SYN2: variants seen among roughly 807,000 people sequenced by gnomAD.
SYN2 encodes synapsin-2.
A neutral mutation model predicts 50.9 loss-of-function variants in SYN2; 19 were observed. The observed-to-expected ratio is 0.37, with a 90% CI of 0.26 to 0.55. The LOEUF (loss-of-function observed/expected upper bound fraction) is 0.55, where lower values mean the gene tolerates loss of function less well. SYN2 is among the 20% of genes least tolerant of loss of function. The pLI is 0.81. For missense variants in SYN2, 587 were observed against 576.4 expected (o/e 1.02, Z -0.19); for synonymous variants, 255 against 224.9 (o/e 1.13, Z -1.20).
intron 1 of SYN2, among the ~76,000 whole-genome samples, chr3:12,132,685 G>A (rs185250755): frequency 6.6e-6 from 1 of 152,308 alleles, no homozygotes; most frequent in East Asian, 1.9e-4. Flanking sequence ...GTCCAGATAA[G>A]TGGACCTAAT....
At chr3:12,078,689 C>G (rs1269326047) in intron 1 of SYN2, among the ~76,000 whole-genome samples, 2 of 152,264 alleles carry the variant, frequency 1.3e-5, no homozygotes, top group East Asian at 3.9e-4. Context: ...CATTACCATG[C>G]TGTTTTGGTT....
chr3:12,109,936 T>C (rs1696277561), intron 1 of SYN2, among the ~76,000 whole-genome samples: 1 of 152,200 alleles, frequency 6.6e-6, no homozygotes. Context: ...ATGCCTGTAA[T>C]CCCAACTCTC....
intron 1 of SYN2, among the ~76,000 whole-genome samples, chr3:12,083,114 C>T (rs1278335855): frequency 1.3e-5 from 2 of 152,096 alleles, no homozygotes; most frequent in Non-Finnish European, 2.9e-5. Context: ...TGGATTCAAG[C>T]GATTGTCCTG....
chr3:12,044,181 T>TCTCTCTCA (rs573246278), intron 1 of SYN2, among the ~76,000 whole-genome samples: 284 of 53,362 alleles, frequency 5.3e-3, no homozygotes, highest in East Asian at 0.013. Context: ...TCTCTCTCTC[T>TCTCTCTCA]CACACACACA....
Position 12,100,226 on chromosome 3 carries a change from T to C in SYN2, c.378-40425T>C, listed in dbSNP as rs965916378. 7.9e-5 allele frequency among the ~76,000 whole-genome samples: 12 copies of C among 152,276 alleles called. No individual in the cohort carries two copies. In the East Asian group the frequency reaches 2.1e-3, roughly 27 times the overall value. On this transcript the variant is annotated intron_variant, in intron 1 of 12. Transcript: ENST00000621198. ...ACTGGAGAATTCCCATTTCCTGATT[T>C]CAAGTTACTACAAAGCTTGATAATA... is the stretch of plus-strand genomic sequence containing the variant.
chr3:12,004,865 C>A lies in SYN2; in HGVS notation c.314C>A (p.Pro105His). 1.8e-6 allele frequency: 1 copy of A among 566,526 alleles called. No individual in the cohort carries two copies. The highest frequency in any genetic ancestry group is 3.2e-6 in the Non-Finnish European group (1 of 317,370). The allele number at this position is 566,526 out of a possible 1,614,324, so 35.1% of individuals were successfully genotyped here. Residue 105 changes from proline (P) to histidine (H), a missense_variant, in exon 1 of 13, where the codon CCC becomes CAC. By Grantham distance (77) the Pro-to-His change is moderately conservative. Transcript: ENST00000621198. Reference sequence around the variant, plus strand: ...GCTGGCCTGGTGGACGCGCCCGCTCCCGCGCCCGCAGCCGCCAGGAAGGCC... The same window carrying A: ...GCTGGCCTGGTGGACGCGCCCGCTCACGCGCCCGCAGCCGCCAGGAAGGCC... ...ASAGLVDAPA[P>H]APAAARKAKV...
chr3:12,073,583 C>T (rs1472893839), intron 1 of SYN2, among the ~76,000 whole-genome samples: 1 of 152,022 alleles, frequency 6.6e-6, no homozygotes, highest in African/African-American at 2.4e-5. Flanking sequence ...ATAAAGCAAC[C>T]CTTTACATTT....
chr3:12,004,664 CG>C lies in SYN2; in HGVS notation c.114del (p.Gly41ValfsTer50). On this transcript the variant is annotated frameshift_variant, in exon 1 of 13. Coordinates refer to ENST00000621198, the MANE Select transcript of SYN2 (RefSeq NM_133625.6). LOFTEE classifies it high-confidence loss of function. ...GAGCCCCAGCAGCCGCCGCCGCCGC[CG>C]CCCCCCGGTCCGGGCGCCGCCTCGG... Reference protein sequence around the residue: ...RPEPQQPPPPPPPGPGAASAS... With the variant: ...RPEPQQPPPPXPPGPGAASAS... 3.0e-6 allele frequency: 1 copy of C among 330,602 alleles called. No homozygotes were observed. 20.5% of individuals were successfully genotyped at this position (330,602 alleles called of 1,614,324 possible).
intron 1 of SYN2, among the ~76,000 whole-genome samples, chr3:12,049,957 TG>T (rs1282705631): frequency 6.6e-6 from 1 of 152,198 alleles, no homozygotes; most frequent in Non-Finnish European, 1.5e-5. Flanking sequence ...TGTTTGTTTT[TG>T]TTTTTGAGGG....
intron 7 of SYN2, among the ~76,000 whole-genome samples, chr3:12,166,255 G>A (rs1697791673): frequency 6.6e-6 from 1 of 152,256 alleles, no homozygotes; most frequent in African/African-American, 2.4e-5. Context: ...TCTGTCGACA[G>A]TGTAAGCAGG....
At position 12,033,781 on chromosome 3, in the gene SYN2, T is replaced by A. The variant is rs555532500; in HGVS notation, c.377+28853T>A. ...ACCATACAATATGTGGCCTTTTGTG[T>A]CCAGCTTTTTTCATCTTAGCATAAT... is the stretch of plus-strand genomic sequence containing the variant. On this transcript the variant is annotated intron_variant, in intron 1 of 12. Coordinates refer to ENST00000621198, the MANE Select transcript of SYN2 (RefSeq NM_133625.6). Among the ~76,000 whole-genome samples, 277 of 152,354 alleles carry A rather than the reference T, an allele frequency of 1.8e-3. 1 individual carries two copies. The highest frequency in any genetic ancestry group is 6.4e-3 in the African/African-American group (265 of 41,586).
intron 7 of SYN2, among the ~76,000 whole-genome samples, chr3:12,165,128 A>T (rs1232683642): frequency 1.3e-5 from 2 of 151,856 alleles, no homozygotes; most frequent in Admixed American, 6.6e-5. Flanking sequence ...CTGGGACTAC[A>T]GGCACCCACC....
intron 1 of SYN2, among the ~76,000 whole-genome samples, chr3:12,044,207 A>ACACACC (rs58000047): frequency 0.44 from 63,983 of 144,584 alleles, 15,052 homozygotes; most frequent in South Asian, 0.61. Context: ...ACACACACAC[A>ACACACC]CACACACACA....
chr3:12,061,405 C>T (rs1289474197), intron 1 of SYN2, among the ~76,000 whole-genome samples: 1 of 152,026 alleles, frequency 6.6e-6, no homozygotes, highest in East Asian at 1.9e-4. Context: ...TGAATTTCCT[C>T]AACTTATTAA....
At chr3:12,008,129 T>C (rs968944157) in intron 1 of SYN2, among the ~76,000 whole-genome samples, 19 of 152,212 alleles carry the variant, frequency 1.2e-4, no homozygotes, top group African/African-American at 4.6e-4. Context: ...GTTTCTTCTG[T>C]GTGTTATACT....
intron 1 of SYN2, among the ~76,000 whole-genome samples, chr3:12,019,265 A>G (rs1389178409): frequency 6.6e-6 from 1 of 152,218 alleles, no homozygotes; most frequent in Non-Finnish European, 1.5e-5. Context: ...GGGACATTTA[A>G]GGCAAATTGT....
At chr3:12,174,337 C>A (rs1448686327) in intron 10 of SYN2, among the ~76,000 whole-genome samples, 1 of 152,052 alleles carries the variant, frequency 6.6e-6, no homozygotes, top group Non-Finnish European at 1.5e-5. Context: ...CCTGTCCCCC[C>A]AACATTGTTT....
chr3:12,071,193 C>T, intron 1 of SYN2: 3 of 552,672 alleles, frequency 5.4e-6, no homozygotes, highest in Non-Finnish European at 1.1e-5. Context: ...CAATCACTGC[C>T]CTGGCACCCA....
At chr3:12,171,539 G>T (rs1270867044) in intron 10 of SYN2, among the ~76,000 whole-genome samples, 1 of 152,180 alleles carries the variant, frequency 6.6e-6, no homozygotes. Context: ...GACAGAATGG[G>T]CTGCTCTGGG....
Sources: gnomAD v4.1 joint callset for allele counts (sites outside exome capture counted in the v4.1 genomes callset) on GRCh38, gnomAD v4.1.1 for gene constraint, MANE v1.5 for transcripts, NCBI Gene and HGNC (gene_info 2026-07-23, HGNC 2026-07-21) for gene names.